The following NFIB variants were observed in gnomAD, a reference collection of about 807,000 sequenced individuals.
The protein encoded by NFIB is nuclear factor 1 B-type.
Under a neutral mutation model 61.5 loss-of-function variants are expected in NFIB, and 11 were observed. That is an observed-to-expected ratio of 0.18 (90% CI 0.11 to 0.30). The LOEUF (loss-of-function observed/expected upper bound fraction) is 0.30. Ranked by LOEUF, NFIB falls within the 10% of genes least tolerant of loss-of-function variation. The pLI is 1.00. For missense variants in NFIB, 471 were observed against 608.9 expected (o/e 0.77, Z 2.38); for synonymous variants, 260 against 216.5 (o/e 1.20, Z -1.76).
upstream of NFIB, among the ~76,000 whole-genome samples, chr9:14,399,897 T>C (rs1458186513): frequency 6.6e-6 from 1 of 152,106 alleles, no homozygotes; most frequent in East Asian, 1.9e-4. Flanking sequence ...ATTGCCCAAA[T>C]GCACTCTTGT....
At chr9:14,311,027 AGTTAT>A in intron 1 of NFIB, among the ~76,000 whole-genome samples, 1 of 152,274 alleles carries the variant, frequency 6.6e-6, no homozygotes, top group Non-Finnish European at 1.5e-5. Context: ...GCCAATTGAA[AGTTAT>A]ATTATTAATG....
chr9:14,286,125 G>C (rs1441730267), intron 2 of NFIB, among the ~76,000 whole-genome samples: 1 of 152,152 alleles, frequency 6.6e-6, no homozygotes, highest in Non-Finnish European at 1.5e-5. Flanking sequence ...GACATCTGAG[G>C]AATTGGAGAA....
chr9:14,204,529 G>T (rs2049412263), intron 2 of NFIB: 1 of 1,323,378 alleles, frequency 7.6e-7, no homozygotes, highest in Admixed American at 1.8e-5. Context: ...CAGCTACTCA[G>T]CTGCTTAAGC....
At chr9:14,359,774 G>T (rs2061217349) in intron 1 of NFIB, among the ~76,000 whole-genome samples, 1 of 151,908 alleles carries the variant, frequency 6.6e-6, no homozygotes, top group Non-Finnish European at 1.5e-5. Flanking sequence ...GGGGTTGCTG[G>T]GTGGTTCCAT....
At chr9:14,262,969 G>A (rs1035227955) in intron 2 of NFIB, among the ~76,000 whole-genome samples, 3 of 152,024 alleles carry the variant, frequency 2.0e-5, no homozygotes, top group Non-Finnish European at 2.9e-5. Context: ...CTAAACATCT[G>A]TTTAAACTGT....
chr9:14,229,067 T>G (rs1023279028), intron 2 of NFIB, among the ~76,000 whole-genome samples: 1 of 151,248 alleles, frequency 6.6e-6, no homozygotes, highest in African/African-American at 2.4e-5. Context: ...TCACTTAAAC[T>G]AAGTATGAGA....
intron 6 of NFIB, among the ~76,000 whole-genome samples, chr9:14,141,247 A>G (rs1052727149): frequency 4.6e-5 from 7 of 152,206 alleles, no homozygotes; most frequent in African/African-American, 1.7e-4. Flanking sequence ...CTGAGAAGAC[A>G]TTTATATAAC....
chr9:14,496,239 G>C, the NFIB span, among the ~76,000 whole-genome samples: 1 of 152,158 alleles, frequency 6.6e-6, no homozygotes, highest in Admixed American at 6.5e-5. Context: ...CTTGGGGATG[G>C]AACCCATATC....
At chr9:14,524,971 T>A in the NFIB span, among the ~76,000 whole-genome samples, 2 of 152,218 alleles carry the variant, frequency 1.3e-5, no homozygotes, top group East Asian at 3.8e-4. Flanking sequence ...TAAACAGATA[T>A]CATCAAAACC....
At chr9:14,215,277 C>G (rs947963076) in intron 2 of NFIB, among the ~76,000 whole-genome samples, 3 of 150,268 alleles carry the variant, frequency 2.0e-5, no homozygotes, top group Non-Finnish European at 4.4e-5. Context: ...CATAAATACT[C>G]AGAACAATAA....
intron 1 of NFIB, among the ~76,000 whole-genome samples, chr9:14,366,283 G>A (rs1253307640): frequency 1.3e-5 from 2 of 151,958 alleles, no homozygotes; most frequent in Non-Finnish European, 2.9e-5. Flanking sequence ...TTTTAACCTC[G>A]CGTCTGTGAA....
At chr9:14,259,334 C>T (rs897401150) in intron 2 of NFIB, among the ~76,000 whole-genome samples, 1 of 152,200 alleles carries the variant, frequency 6.6e-6, no homozygotes, top group African/African-American at 2.4e-5. Context: ...CAAAGAGCTA[C>T]CTGTAAATTT....
At chr9:14,306,431 A>G (rs1201073710) in intron 2 of NFIB, among the ~76,000 whole-genome samples, 1 of 152,226 alleles carries the variant, frequency 6.6e-6, no homozygotes, top group Non-Finnish European at 1.5e-5. Context: ...AAGTAAATCT[A>G]GGTCTACGTA....
rs1208856202 is a variant in NFIB, at chr9:14,086,787, TTTTTTTG to T, written c.*1515_*1521del. The T allele has an allele frequency of 3.4e-5, 7 of 207,662 alleles. No individual in the cohort carries two copies. Among genetic ancestry groups the T allele is most frequent in the Middle Eastern group, 1.6e-3 (1 of 630 alleles). 12.9% of individuals were successfully genotyped at this position (207,662 alleles called of 1,614,324 possible). On this transcript the variant is annotated 3_prime_UTR_variant, in exon 11 of 11. Transcript: ENST00000380953. The stretch of plus-strand genomic sequence containing the variant: ...ACTTTGTTGTATTTTTTTGTTTTTT[TTTTTTTG>T]TTTTTTGTTTTTTAGATTTCAAGGC...
intron 1 of NFIB, chr9:14,322,034 A>C: frequency 2.6e-6 from 3 of 1,141,980 alleles, no homozygotes; most frequent in Non-Finnish European, 3.2e-6. Context: ...AGATTTGTGG[A>C]TTTTCTCAGG....
chr9:14,387,763 G>A (rs1425877751), intron 1 of NFIB, among the ~76,000 whole-genome samples: 2 of 152,176 alleles, frequency 1.3e-5, no homozygotes, highest in African/African-American at 4.8e-5. Flanking sequence ...AGTTAATTAA[G>A]TGTGCTTACT....
the NFIB span, among the ~76,000 whole-genome samples, chr9:14,492,891 G>C: frequency 6.6e-5 from 10 of 152,314 alleles, no homozygotes; most frequent in Non-Finnish European, 1.3e-4. Flanking sequence ...TCAGTTCTGA[G>C]TTGAAATCCT....
chr9:14,444,224 G>T, the NFIB span, among the ~76,000 whole-genome samples: 2 of 152,216 alleles, frequency 1.3e-5, no homozygotes, highest in African/African-American at 4.8e-5. Context: ...GTTAGAGTAA[G>T]AGGTTTGGAA....
the NFIB span, among the ~76,000 whole-genome samples, chr9:14,455,001 G>A: frequency 2.0e-5 from 3 of 152,186 alleles, no homozygotes; most frequent in Non-Finnish European, 4.4e-5. Context: ...TATGTAATAT[G>A]AGCAAAAAAT....
Sources: gnomAD v4.1 joint callset for allele counts (sites outside exome capture counted in the v4.1 genomes callset) on GRCh38, gnomAD v4.1.1 for gene constraint, MANE v1.5 for transcripts, NCBI Gene and HGNC (gene_info 2026-07-23, HGNC 2026-07-21) for gene names.